SLC45A4: variants seen among roughly 807,000 people sequenced by gnomAD.
SLC45A4 encodes solute carrier family 45 member 4.
In SLC45A4, 32 loss-of-function variants were observed where a neutral mutation model predicts 63.7. That is an observed-to-expected ratio of 0.50 (90% CI 0.38 to 0.67). The LOEUF (loss-of-function observed/expected upper bound fraction) is 0.67, where lower values mean the gene tolerates loss of function less well. Among genes scored for constraint, SLC45A4 ranks in the 30% least tolerant of loss-of-function variants. SLC45A4 has a pLI of 0.00. For missense variants in SLC45A4, 1,027 were observed against 1,157.7 expected (o/e 0.89, Z 1.64); for synonymous variants, 535 against 510.0 (o/e 1.05, Z -0.66).
intron 2 of SLC45A4, among the ~76,000 whole-genome samples, chr8:141,238,656 G>A (rs968231229): frequency 3.2e-4 from 48 of 152,148 alleles, no homozygotes; most frequent in Non-Finnish European, 3.5e-4. Flanking sequence ...CAGGCTCCAA[G>A]CTCTCCAGCC....
intron 1 of SLC45A4, among the ~76,000 whole-genome samples, chr8:141,258,234 A>T (rs1366042537): frequency 6.6e-6 from 1 of 152,084 alleles, no homozygotes; most frequent in Non-Finnish European, 1.5e-5. Context: ...CTAACAGGAA[A>T]GAAGGCGACG....
At chr8:141,302,631 G>T (rs558329417) in intron 1 of SLC45A4, among the ~76,000 whole-genome samples, 2 of 152,270 alleles carry the variant, frequency 1.3e-5, no homozygotes, top group East Asian at 3.9e-4. Context: ...CGCGGCAGGC[G>T]TAAAGTTATT....
chr8:141,308,281 G>C lies in SLC45A4; in HGVS notation c.-586C>G, dbSNP rs1397597925. On this transcript the variant is annotated 5_prime_UTR_variant, in exon 1 of 9. Transcript: ENST00000517878. ...GACGCGGGCGCGGAGAGAGCGCTGCGAGGCTGCGGCCGGCGCGCGGAGACA... is the reference window on the plus strand; with the variant it reads ...GACGCGGGCGCGGAGAGAGCGCTGCCAGGCTGCGGCCGGCGCGCGGAGACA... 2 of 147,784 alleles carry C rather than the reference G, an allele frequency of 1.4e-5. No individual in the cohort carries two copies. The highest frequency in any genetic ancestry group is 3.0e-5 in the Non-Finnish European group (2 of 66,172). The allele number at this position is 147,784 out of a possible 1,614,324, so 9.2% of individuals were successfully genotyped here.
intron 2 of SLC45A4, among the ~76,000 whole-genome samples, chr8:141,222,755 G>T (rs754671390): frequency 6.6e-6 from 1 of 152,224 alleles, no homozygotes; most frequent in African/African-American, 2.4e-5. Context: ...CACCTCTGAC[G>T]CCTGTCGTGT....
intron 7 of SLC45A4, among the ~76,000 whole-genome samples, chr8:141,212,802 C>T (rs758050138): frequency 6.6e-6 from 1 of 152,186 alleles, no homozygotes; most frequent in Non-Finnish European, 1.5e-5. Context: ...TCAATCCAGT[C>T]GGGACGTGGG....
rs1420451274 is a variant in SLC45A4 at position 141,212,389 on chromosome 8, A to G, written c.2109T>C (p.Ser703=). The G allele has an allele frequency of 1.9e-6, 3 of 1,613,630 alleles. No homozygotes were observed. Among genetic ancestry groups the G allele is most frequent in the Non-Finnish European group, 2.5e-6 (3 of 1,180,046 alleles). The change falls in exon 8 of 9, where the codon TCT becomes TCC. Residue 703 remains serine (S), a synonymous_variant. Transcript: ENST00000517878. The stretch of plus-strand genomic sequence containing the variant: ...ATGTGGCCGTCAGGAAGCCCAGGAA[A>G]GAGCCCACAGAGGCCACCATGGGGA... ...RVIPMVASVG[S]FLGFLTATFL... is the part of the protein sequence containing the mutation.
At chr8:141,258,328 C>G (rs541527294) in intron 1 of SLC45A4, among the ~76,000 whole-genome samples, 5 of 152,196 alleles carry the variant, frequency 3.3e-5, no homozygotes, top group African/African-American at 4.8e-5. Context: ...TTAAACGACC[C>G]GAGGCCAGGA....
intron 1 of SLC45A4, among the ~76,000 whole-genome samples, chr8:141,263,361 T>C (rs1440554896): frequency 1.3e-5 from 2 of 150,754 alleles, no homozygotes; most frequent in African/African-American, 4.9e-5. Flanking sequence ...ACTTAAAGTA[T>C]AATAATAATA....
chr8:141,284,261 G>A (rs754554520), intron 1 of SLC45A4, among the ~76,000 whole-genome samples: 12 of 152,242 alleles, frequency 7.9e-5, no homozygotes, highest in Admixed American at 1.3e-4. Context: ...GAGCTCGGCT[G>A]GTGGGCACAG....
rs758522802 is a variant in SLC45A4 at position 141,215,909 on chromosome 8, C to G, written c.1791G>C (p.Gly597=). The part of the protein sequence containing the change: ...DLSVRVIYVL[G]TLGFSVGTAV... ...CTGTGCCGACAGAGAAGCCCAGCGT[C>G]CCCAGCACGTAGATCACCCTGACGC... Residue 597 remains glycine (G), a synonymous_variant, in exon 7 of 9, where the codon GGG becomes GGC. Coordinates refer to ENST00000517878, the MANE Select transcript of SLC45A4 (RefSeq NM_001286646.2). The surrounding 1 kb of genome is among the most constrained non-coding windows in gnomAD (Gnocchi z 4.3). The G allele has an allele frequency of 1.9e-6, 3 of 1,614,068 alleles. No individual in the cohort carries two copies. The South Asian group carries it at 3.3e-5, about 18-fold the overall frequency.
chr8:141,272,406 TCTC>T (rs1170815194), intron 1 of SLC45A4, among the ~76,000 whole-genome samples: 9 of 152,070 alleles, frequency 5.9e-5, no homozygotes, highest in Admixed American at 5.2e-4. Context: ...CCTCCCACCT[TCTC>T]CTCCACATCT....
intron 1 of SLC45A4, among the ~76,000 whole-genome samples, chr8:141,287,170 A>C (rs1414416521): frequency 6.6e-6 from 1 of 152,164 alleles, no homozygotes; most frequent in Non-Finnish European, 1.5e-5. Context: ...AGGTGTGTGT[A>C]TCATCATGAG....
chr8:141,212,941 A>T (rs1825927397), intron 7 of SLC45A4, among the ~76,000 whole-genome samples: 1 of 152,212 alleles, frequency 6.6e-6, no homozygotes. Context: ...GCCCAGGTTG[A>T]TGCCTCCCAA....
At chr8:141,272,294 C>A (rs1297464153) in intron 1 of SLC45A4, among the ~76,000 whole-genome samples, 1 of 152,200 alleles carries the variant, frequency 6.6e-6, no homozygotes, top group Non-Finnish European at 1.5e-5. Flanking sequence ...TACACTAAAG[C>A]CAAAATCTGA....
intron 1 of SLC45A4, among the ~76,000 whole-genome samples, chr8:141,293,057 T>C (rs1036136656): frequency 2.0e-5 from 3 of 151,946 alleles, no homozygotes; most frequent in African/African-American, 7.3e-5. Context: ...GACAGCACCA[T>C]CCTCCCCCAC....
chr8:141,255,344 A>G (rs898052803), intron 1 of SLC45A4, among the ~76,000 whole-genome samples: 2 of 152,150 alleles, frequency 1.3e-5, no homozygotes. Flanking sequence ...CTCCCAAAGC[A>G]CTAGGATTTA....
intron 2 of SLC45A4, among the ~76,000 whole-genome samples, chr8:141,244,607 G>A (rs73713395): frequency 0.015 from 2,219 of 152,314 alleles, 48 homozygotes; most frequent in African/African-American, 0.048. Flanking sequence ...TGTGGAGTGC[G>A]TTGAGTGGGA....
Position 141,273,637 on chromosome 8 carries a change from C to G in SLC45A4, c.-400-19008G>C, listed in dbSNP as rs577977380. Among the ~76,000 whole-genome samples the G allele has an allele frequency of 3.5e-4, 54 of 152,222 alleles. No homozygotes were observed. The South Asian group carries it at 8.7e-3, about 25-fold the overall frequency. Reference sequence around the variant, plus strand: ...TATAATCAAGAACTGACCTCACAGACAGGGCACAATTGAGGAATACCACTA... The same window carrying G: ...TATAATCAAGAACTGACCTCACAGAGAGGGCACAATTGAGGAATACCACTA... On this transcript the variant is annotated intron_variant, in intron 1 of 8. Coordinates refer to ENST00000517878, the MANE Select transcript of SLC45A4 (RefSeq NM_001286646.2).
intron 1 of SLC45A4, among the ~76,000 whole-genome samples, chr8:141,276,657 G>A (rs1033461918): frequency 1.3e-5 from 2 of 152,172 alleles, no homozygotes; most frequent in African/African-American, 4.8e-5. Context: ...TGCACTCACA[G>A]GTATCCATGA....
Sources: gnomAD v4.1 joint callset for allele counts (sites outside exome capture counted in the v4.1 genomes callset) on GRCh38, gnomAD v4.1.1 for gene constraint, Gnocchi (gnomAD v3.1) non-coding constraint, MANE v1.5 for transcripts, NCBI Gene and HGNC (gene_info 2026-07-23, HGNC 2026-07-21) for gene names.